Variants in OTUD7A observed in about 807,000 individuals in gnomAD.
OTUD7A encodes the protein OTU deubiquitinase 7A.
In OTUD7A, 12 loss-of-function variants were observed where a neutral mutation model predicts 65.7. That is an observed-to-expected ratio of 0.18 (90% CI 0.12 to 0.30). The LOEUF (loss-of-function observed/expected upper bound fraction) is 0.30, where lower values mean the gene tolerates loss of function less well. Ranked by LOEUF, OTUD7A falls within the 10% of genes least tolerant of loss-of-function variation. OTUD7A has a pLI of 1.00. For missense variants in OTUD7A, 1,148 were observed against 1,304.8 expected (o/e 0.88, Z 1.85); for synonymous variants, 641 against 586.3 (o/e 1.09, Z -1.35).
At chr15:31,504,087 C>CCAGCTGTGCA (rs2141084887) in intron 8 of OTUD7A, among the ~76,000 whole-genome samples, 1 of 152,302 alleles carries the variant, frequency 6.6e-6, no homozygotes, top group Non-Finnish European at 1.5e-5. Flanking sequence ...GCTGTGAAGG[C>CCAGCTGTGCA]GAGTCTCTCT....
At chr15:31,797,225 C>T (rs944905548) in intron 1 of OTUD7A, among the ~76,000 whole-genome samples, 6 of 152,264 alleles carry the variant, frequency 3.9e-5, no homozygotes, top group Non-Finnish European at 2.9e-5. Context: ...AAACTGCCAA[C>T]CCTCCCCAAA....
intron 1 of OTUD7A, among the ~76,000 whole-genome samples, chr15:31,867,688 C>T (rs899150425): frequency 1.3e-5 from 2 of 152,176 alleles, no homozygotes; most frequent in Admixed American, 1.3e-4. Flanking sequence ...TCAACTTTCT[C>T]CTCTCCAAAC....
In OTUD7A at chr15:31,483,450, G is replaced by A; in HGVS notation, c.2646C>T (p.Asn882=). Residue 882 remains asparagine (N), a synonymous_variant, in exon 13 of 13, where the codon AAC becomes AAT. Coordinates refer to ENST00000307050, the MANE Select transcript of OTUD7A (RefSeq NM_001382637.1). ...CCGGGCCGCCACGGCCGCACTCACC[G>A]TTCGAGCGCGCGGTCGGCGCGTCGG... ...ADADAPTARS[N]GECGRGGPGP... is the part of the protein sequence containing the mutation. 5 of 1,380,156 alleles carry A rather than the reference G, an allele frequency of 3.6e-6. No homozygotes were observed. Among genetic ancestry groups the A allele is most frequent in the African/African-American group, 1.5e-5 (1 of 64,922 alleles). 85.5% of individuals were successfully genotyped at this position (1,380,156 alleles called of 1,614,324 possible). A position where few individuals can be genotyped will look rare whatever the true frequency, so the allele number is the denominator to read the frequency against.
chr15:31,665,632 A>G (rs1299080108), intron 1 of OTUD7A, among the ~76,000 whole-genome samples: 1 of 152,154 alleles, frequency 6.6e-6, no homozygotes, highest in Non-Finnish European at 1.5e-5. Context: ...CTGCCTCTTC[A>G]CTGATGTGGA....
rs1416907342 is a variant in OTUD7A at position 31,480,422 on chromosome 15, G to A, written c.*2872C>T. 1.3e-5 allele frequency: 2 copies of A among 152,272 alleles called. No homozygotes were observed. The highest frequency in any genetic ancestry group is 4.8e-5 in the African/African-American group (2 of 41,454). The allele number at this position is 152,272 out of a possible 1,614,324, so 9.4% of individuals were successfully genotyped here. A position where few individuals can be genotyped will look rare whatever the true frequency, so the allele number is the denominator to read the frequency against. The stretch of plus-strand genomic sequence containing the variant: ...ACACCTGTCCTTCCTAGAAAGGGAA[G>A]TGTGGCCAGATCAGGTGGGGAAGGC... On this transcript the variant is annotated 3_prime_UTR_variant, in exon 13 of 13. Coordinates refer to ENST00000307050, the MANE Select transcript of OTUD7A (RefSeq NM_001382637.1).
chr15:31,605,118 G>A (rs992811015), intron 3 of OTUD7A, among the ~76,000 whole-genome samples: 1 of 152,196 alleles, frequency 6.6e-6, no homozygotes, highest in African/African-American at 2.4e-5. Flanking sequence ...TGCTTTTGAT[G>A]AGATAATTTG....
chr15:31,507,504 C>T (rs1428850815), intron 8 of OTUD7A, among the ~76,000 whole-genome samples: 1 of 152,058 alleles, frequency 6.6e-6, no homozygotes, highest in African/African-American at 2.4e-5. Context: ...AGAATGAAGT[C>T]GCGTGTTACA....
At chr15:31,633,024 C>T (rs1298233724) in intron 3 of OTUD7A, among the ~76,000 whole-genome samples, 1 of 137,114 alleles carries the variant, frequency 7.3e-6, no homozygotes, top group East Asian at 1.9e-4. Context: ...CCGTCTGTCA[C>T]CCCTTTCTTT....
chr15:31,570,488 T>C (rs868362984), intron 3 of OTUD7A, among the ~76,000 whole-genome samples: 17 of 128,646 alleles, frequency 1.3e-4, no homozygotes, highest in African/African-American at 3.9e-4. Flanking sequence ...CACACACACA[T>C]CTAAACACTG....
chr15:31,681,009 A>G (rs1178725354), intron 1 of OTUD7A, among the ~76,000 whole-genome samples: 1 of 148,860 alleles, frequency 6.7e-6, no homozygotes, highest in East Asian at 1.9e-4. Context: ...ATAAAAATAT[A>G]TGTATCGGTC....
intron 3 of OTUD7A, among the ~76,000 whole-genome samples, chr15:31,598,862 T>C (rs1358895021): frequency 6.6e-6 from 1 of 152,090 alleles, no homozygotes; most frequent in Non-Finnish European, 1.5e-5. Flanking sequence ...TAGGTGGTTT[T>C]ACCCTCACAG....
At chr15:31,814,393 G>A (rs1443487629) in intron 1 of OTUD7A, among the ~76,000 whole-genome samples, 1 of 152,158 alleles carries the variant, frequency 6.6e-6, no homozygotes, top group African/African-American at 2.4e-5. Flanking sequence ...CCCACCAACA[G>A]CACTGATGAT....
At chr15:31,861,686 T>A (rs1001479991) in intron 1 of OTUD7A, among the ~76,000 whole-genome samples, 1 of 152,166 alleles carries the variant, frequency 6.6e-6, no homozygotes, top group African/African-American at 2.4e-5. Context: ...GATTTGGGGA[T>A]GAACTGCAAC....
intron 5 of OTUD7A, among the ~76,000 whole-genome samples, chr15:31,531,583 G>C (rs997021241): frequency 2.1e-4 from 32 of 149,376 alleles, no homozygotes; most frequent in African/African-American, 7.9e-4. Flanking sequence ...CAGAATACCA[G>C]GAAAGGGGTA....
At chr15:31,591,300 G>A (rs1406380062) in intron 3 of OTUD7A, among the ~76,000 whole-genome samples, 2 of 152,048 alleles carry the variant, frequency 1.3e-5, no homozygotes, top group African/African-American at 2.4e-5. Context: ...GGTCTGCAGC[G>A]GATACATGGG....
chr15:31,756,525 C>T (rs1894816088), intron 1 of OTUD7A, among the ~76,000 whole-genome samples: 1 of 152,038 alleles, frequency 6.6e-6, no homozygotes, highest in Non-Finnish European at 1.5e-5. Context: ...ATGCTCCATC[C>T]CCCAAAGCTA....
intron 1 of OTUD7A, among the ~76,000 whole-genome samples, chr15:31,676,429 T>A (rs1892596047): frequency 6.6e-6 from 1 of 152,214 alleles, no homozygotes; most frequent in African/African-American, 2.4e-5. Flanking sequence ...GCTAAAAGTA[T>A]CCATGTGGCC....
At chr15:31,816,627 G>C (rs1487205671) in intron 1 of OTUD7A, among the ~76,000 whole-genome samples, 1 of 152,078 alleles carries the variant, frequency 6.6e-6, no homozygotes, top group Non-Finnish European at 1.5e-5. Flanking sequence ...CTGGGAGGCA[G>C]AGCTTGCAGT....
At chr15:31,779,715 A>C (rs891781430) in intron 1 of OTUD7A, among the ~76,000 whole-genome samples, 5 of 152,040 alleles carry the variant, frequency 3.3e-5, no homozygotes, top group South Asian at 2.1e-4. Flanking sequence ...CACTGTTAGG[A>C]TCTGGACACC....
Sources: allele counts gnomAD v4.1 joint callset (sites outside exome capture counted in the v4.1 genomes callset), GRCh38; gene constraint gnomAD v4.1.1; transcripts MANE v1.5; gene names NCBI Gene and HGNC (gene_info 2026-07-23, HGNC 2026-07-21).